The following MYRIP variants were observed in gnomAD, a reference collection of about 807,000 sequenced individuals.
MYRIP encodes myosin VIIA and Rab interacting protein.
A neutral mutation model predicts 98.0 loss-of-function variants in MYRIP; 49 were observed. The ratio of observed to expected loss-of-function variants is 0.50; its 90% CI spans 0.40 to 0.63. The LOEUF (loss-of-function observed/expected upper bound fraction) is 0.63. Ranked by LOEUF, MYRIP falls within the 30% of genes least tolerant of loss-of-function variation. The probability of loss-of-function intolerance (pLI) is 0.00; values close to 1 mark genes in which losing one functional copy is unlikely to be tolerated. For missense variants in MYRIP, 1,004 were observed against 1,058.2 expected (o/e 0.95, Z 0.71); for synonymous variants, 404 against 409.5 (o/e 0.99, Z 0.16).
At chr3:39,852,267 A>G (rs772910509) in intron 1 of MYRIP, among the ~76,000 whole-genome samples, 1 of 152,138 alleles carries the variant, frequency 6.6e-6, no homozygotes, top group Non-Finnish European at 1.5e-5. Flanking sequence ...GCTTCACCTG[A>G]CTTGGGAGAC....
At chr3:39,964,991 C>T (rs1320932828) in intron 2 of MYRIP, among the ~76,000 whole-genome samples, 3 of 151,958 alleles carry the variant, frequency 2.0e-5, no homozygotes, top group Non-Finnish European at 4.4e-5. Context: ...TGAAATAACC[C>T]GTTACCTGGA....
At chr3:39,876,157 T>G (rs1942987628) in intron 1 of MYRIP, among the ~76,000 whole-genome samples, 1 of 152,200 alleles carries the variant, frequency 6.6e-6, no homozygotes, top group South Asian at 2.1e-4. Context: ...GAGACTAGCA[T>G]TGCAACCCCT....
intron 3 of MYRIP, among the ~76,000 whole-genome samples, chr3:40,054,965 T>A (rs1474147506): frequency 1.3e-5 from 2 of 152,218 alleles, no homozygotes; most frequent in South Asian, 4.1e-4. Flanking sequence ...GAGGGCCACA[T>A]TTTTTGGCCT....
chr3:39,834,991 G>A (rs1941578485), intron 1 of MYRIP, among the ~76,000 whole-genome samples: 1 of 152,180 alleles, frequency 6.6e-6, no homozygotes. Context: ...AATTTAGTAT[G>A]TACAGACAAT....
At chr3:40,108,174 T>TGAGAGAGAGAGAGAGAGAGAGAGAGAGA (rs72224557) in intron 3 of MYRIP, among the ~76,000 whole-genome samples, 1 of 138,204 alleles carries the variant, frequency 7.2e-6, no homozygotes, top group African/African-American at 2.7e-5. Context: ...GCAGTGTTTG[T>TGAGAGAGAGAGAGAGAGAGAGAGAGAGA]GAGAGAGAGA....
intron 3 of MYRIP, among the ~76,000 whole-genome samples, chr3:40,133,881 A>AT (rs1949701910): frequency 6.6e-6 from 1 of 152,218 alleles, no homozygotes; most frequent in Admixed American, 6.5e-5. Context: ...ACAAGCATAG[A>AT]TTTTAAGAAG....
At chr3:39,881,651 C>T (rs1316715952) in intron 1 of MYRIP, among the ~76,000 whole-genome samples, 1 of 152,092 alleles carries the variant, frequency 6.6e-6, no homozygotes. Flanking sequence ...AATCCAGAGC[C>T]TCTCTAGCCC....
chr3:40,032,481 G>A (rs1300639574), intron 2 of MYRIP, among the ~76,000 whole-genome samples: 1 of 152,062 alleles, frequency 6.6e-6, no homozygotes, highest in Non-Finnish European at 1.5e-5. Context: ...GTGGTGTGGT[G>A]CTGAAAAAAA....
intron 2 of MYRIP, among the ~76,000 whole-genome samples, chr3:39,972,503 A>G (rs76494452): frequency 0.042 from 6,326 of 152,184 alleles, 209 homozygotes; most frequent in East Asian, 0.18. Context: ...AATAATAAAC[A>G]TTGCTTTTTA....
chr3:39,820,924 C>G (rs902872036), intron 1 of MYRIP, among the ~76,000 whole-genome samples: 1 of 152,092 alleles, frequency 6.6e-6, no homozygotes, highest in African/African-American at 2.4e-5. Context: ...TCCCACTCCC[C>G]CTGCCACCAT....
At chr3:40,224,893 AG>A (rs1952444932) in intron 11 of MYRIP, among the ~76,000 whole-genome samples, 1 of 152,228 alleles carries the variant, frequency 6.6e-6, no homozygotes, top group Non-Finnish European at 1.5e-5. Flanking sequence ...GTCACTCTTC[AG>A]GGACATGAGT....
chr3:40,033,382 C>T (rs545661149), intron 2 of MYRIP, among the ~76,000 whole-genome samples: 184 of 152,084 alleles, frequency 1.2e-3, no homozygotes, highest in Non-Finnish European at 2.2e-3. Flanking sequence ...TGTCAGGATA[C>T]AAAATCAATG....
intron 12 of MYRIP, 110 bp downstream of exon 12, chr3:40,234,163 C>CA: frequency 5.7e-6 from 6 of 1,054,316 alleles, no homozygotes; most frequent in East Asian, 2.9e-5. Flanking sequence ...CACACACACA[C>CA]CACTACCACT....
chr3:39,895,289 C>T (rs1319293122), intron 1 of MYRIP, among the ~76,000 whole-genome samples: 1 of 151,778 alleles, frequency 6.6e-6, no homozygotes, highest in African/African-American at 2.4e-5. Context: ...CGGGTTCGAG[C>T]GATTCTCCTG....
intron 2 of MYRIP, among the ~76,000 whole-genome samples, chr3:40,042,633 AG>A (rs1245306106): frequency 6.6e-6 from 1 of 152,188 alleles, no homozygotes; most frequent in Non-Finnish European, 1.5e-5. Context: ...ATAGTAGTAA[AG>A]ATAAAAAGTA....
chr3:40,015,363 C>A (rs1284509739), intron 2 of MYRIP, among the ~76,000 whole-genome samples: 1 of 152,174 alleles, frequency 6.6e-6, no homozygotes, highest in Non-Finnish European at 1.5e-5. Flanking sequence ...AAGTGGAGAG[C>A]CAGTCAGAGT....
chr3:40,251,381 G>A (rs115848230), intron 15 of MYRIP, among the ~76,000 whole-genome samples: 520 of 152,282 alleles, frequency 3.4e-3, no homozygotes, highest in African/African-American at 0.012. Flanking sequence ...GCATTAGAAA[G>A]GTAATATAGT....
chr3:40,159,625 G>C lies in MYRIP; in HGVS notation c.470-3105G>C, dbSNP rs1232387893. Among the ~76,000 whole-genome samples the C allele has an allele frequency of 2.0e-5, 3 of 152,084 alleles. No homozygotes were observed. In the South Asian group the frequency reaches 6.2e-4, roughly 32 times the overall value. On this transcript the variant is annotated intron_variant, in intron 4 of 16. Transcript: ENST00000302541. The stretch of plus-strand genomic sequence containing the variant: ...GGTTCCATTCTCCCCGTCACTTTCA[G>C]GTACACCAATCAGACGTAGATTTGG...
At chr3:40,110,555 TGAG>T (rs1266823902) in intron 3 of MYRIP, among the ~76,000 whole-genome samples, 1 of 152,236 alleles carries the variant, frequency 6.6e-6, no homozygotes, top group Non-Finnish European at 1.5e-5. Flanking sequence ...CTGCTGCAGC[TGAG>T]GTCAGAAGCC....
Sources: gnomAD v4.1 joint callset for allele counts (sites outside exome capture counted in the v4.1 genomes callset) on GRCh38, gnomAD v4.1.1 for gene constraint, MANE v1.5 for transcripts, NCBI Gene and HGNC (gene_info 2026-07-23, HGNC 2026-07-21) for gene names.